The following PAN3 variants were observed in gnomAD, a reference collection of about 807,000 sequenced individuals.
PAN3 encodes poly(A) specific ribonuclease subunit PAN3.
In PAN3, 19 loss-of-function variants were observed where a neutral mutation model predicts 96.2. That is an observed-to-expected ratio of 0.20 (90% CI 0.14 to 0.29). The LOEUF is 0.29. Among genes scored for constraint, PAN3 ranks in the 10% least tolerant of loss-of-function variants. PAN3 has a pLI of 1.00. For synonymous variants in PAN3, 433 were observed against 406.6 expected, an observed-to-expected ratio of 1.06 and a Z score of -0.78; for missense variants, 882 against 1,108.1, an observed-to-expected ratio of 0.80 and a Z score of 2.90.
At chr13:28,194,468 T>TA (rs1298627227) in intron 4 of PAN3, among the ~76,000 whole-genome samples, 3,435 of 91,156 alleles carry the variant, frequency 0.038, 42 homozygotes, top group South Asian at 0.16. Context: ...ATATATATAT[T>TA]TTTTTTTTTT....
Position 28,197,321 on chromosome 13 carries a change from A to G in PAN3, c.827A>G (p.Asn276Ser), listed in dbSNP as rs765187373. 18 of 1,605,856 alleles carry G rather than the reference A, an allele frequency of 1.1e-5. No individual in the cohort carries two copies. Among genetic ancestry groups the G allele is most frequent in the Non-Finnish European group, 1.5e-5 (18 of 1,176,242 alleles). The change falls in exon 5 of 19, where the codon AAC (asparagine) becomes AGC (serine). Residue 276 changes from asparagine to serine, a missense_variant. Asn to Ser is a conservative substitution (Grantham distance 46, BLOSUM62 1). This residue lies in a region of PAN3 where 442 missense variants were observed against 422.8 expected (regional missense o/e 1.05). Transcript: ENST00000380958. Reference protein sequence around the residue: ...SGVPINMVWWNRVTENNLQTP... With the variant: ...SGVPINMVWWSRVTENNLQTP... ...GTACCCATCAATATGGTTTGGTGGA[A>G]CAGAGTCACAGAAAACAATTTACAG...
At chr13:28,142,615 A>G (rs1430814203) in intron 1 of PAN3, among the ~76,000 whole-genome samples, 1 of 149,724 alleles carries the variant, frequency 6.7e-6, no homozygotes, top group Non-Finnish European at 1.5e-5. Context: ...CATGTTGCCC[A>G]GGCCGGTCTC....
At position 28,217,703 on chromosome 13, in the gene PAN3, G is replaced by A. The variant is rs568111008; in HGVS notation, c.853-2528G>A. 5.3e-5 allele frequency among the ~76,000 whole-genome samples: 8 copies of A among 151,858 alleles called. No individual in the cohort carries two copies. In the South Asian group the frequency reaches 1.0e-3, roughly 20 times the overall value. ...ACTTAGAACTATTTAAAATATAAAC[G>A]TAAATTAGGGTTTTAATTATGAATA... On this transcript the variant is annotated intron_variant, in intron 5 of 18. Coordinates refer to ENST00000380958, the MANE Select transcript of PAN3 (RefSeq NM_175854.8).
At chr13:28,141,006 T>TTTATTTTA (rs200747743) in intron 1 of PAN3, among the ~76,000 whole-genome samples, 5,820 of 142,764 alleles carry the variant, frequency 0.041, 165 homozygotes, top group African/African-American at 0.062. Flanking sequence ...AGAGACACTT[T>TTTATTTTA]TTTTTTTTTT....
At position 28,174,154 on chromosome 13, in the gene PAN3, A is replaced by G. The variant is rs1284202551; in HGVS notation, c.431-118A>G. On this transcript the variant is annotated intron_variant, in intron 1 of 18. Transcript: ENST00000380958. ...TTGATCTTACCTGTTATGAACTGGT[A>G]AATAAAAATAAGTGTGACAGATTTG... 7 of 1,104,730 alleles carry G rather than the reference A, an allele frequency of 6.3e-6. No homozygotes were observed. The East Asian group carries it at 1.3e-4, about 21-fold the overall frequency. The allele number at this position is 1,104,730 out of a possible 1,614,324, so 68.4% of individuals were successfully genotyped here. A position where few individuals can be genotyped will look rare whatever the true frequency, so the allele number is the denominator to read the frequency against.
chr13:28,256,621 C>A, intron 7 of PAN3, 82 bp downstream of exon 7: 1 of 1,395,626 alleles, frequency 7.2e-7, no homozygotes, highest in Non-Finnish European at 9.7e-7. Flanking sequence ...CCCCCTCCTG[C>A]AGCTTTTTAT....
At chr13:28,276,287 C>T (rs1030887969) in intron 14 of PAN3, among the ~76,000 whole-genome samples, 6 of 152,046 alleles carry the variant, frequency 3.9e-5, no homozygotes, top group Admixed American at 6.6e-5. Flanking sequence ...AGTAAATGAA[C>T]GTGTGTCTAA....
intron 1 of PAN3, among the ~76,000 whole-genome samples, chr13:28,140,991 CAGAA>C (rs1318744913): frequency 8.3e-5 from 12 of 144,734 alleles, no homozygotes; most frequent in African/African-American, 2.9e-4. Flanking sequence ...TTCTTACTGA[CAGAA>C]AGAGACACTT....
At chr13:28,280,051 G>C (rs1487061501) in intron 15 of PAN3, among the ~76,000 whole-genome samples, 1 of 151,996 alleles carries the variant, frequency 6.6e-6, no homozygotes, top group African/African-American at 2.4e-5. Flanking sequence ...CTCCCAAAGT[G>C]CTGGGATTAC....
At chr13:28,235,176 C>T (rs1362143386) in intron 6 of PAN3, among the ~76,000 whole-genome samples, 3 of 152,148 alleles carry the variant, frequency 2.0e-5, no homozygotes, top group African/African-American at 7.2e-5. Flanking sequence ...TGTGTCATTC[C>T]TCCCATTCCT....
chr13:28,245,768 A>G (rs1352100260), intron 6 of PAN3, among the ~76,000 whole-genome samples: 2 of 152,174 alleles, frequency 1.3e-5, no homozygotes, highest in Non-Finnish European at 2.9e-5. Flanking sequence ...AAATAGAATC[A>G]TATAATATGT....
chr13:28,259,651 T>G (rs796090264), intron 7 of PAN3, among the ~76,000 whole-genome samples: 12 of 152,178 alleles, frequency 7.9e-5, no homozygotes, highest in African/African-American at 2.6e-4. Context: ...ATTTATTTAT[T>G]TATTGAGACG....
chr13:28,143,925 A>G (rs925571475), intron 1 of PAN3, among the ~76,000 whole-genome samples: 5 of 152,200 alleles, frequency 3.3e-5, no homozygotes, highest in Non-Finnish European at 7.3e-5. Flanking sequence ...TCATCCCACA[A>G]ACCTATACTA....
chr13:28,146,142 A>G (rs1870598584), intron 1 of PAN3, among the ~76,000 whole-genome samples: 1 of 151,902 alleles, frequency 6.6e-6, no homozygotes, highest in Non-Finnish European at 1.5e-5. Flanking sequence ...AAAATAAATC[A>G]GTCTCCTCAT....
intron 1 of PAN3, among the ~76,000 whole-genome samples, chr13:28,148,279 G>A (rs2137951614): frequency 6.6e-6 from 1 of 152,016 alleles, no homozygotes; most frequent in South Asian, 2.1e-4. Context: ...TAGCGTGTGT[G>A]TTTGTATATA....
At chr13:28,238,316 T>C (rs1286323921) in intron 6 of PAN3, among the ~76,000 whole-genome samples, 6 of 152,238 alleles carry the variant, frequency 3.9e-5, no homozygotes, top group Admixed American at 3.9e-4. Flanking sequence ...ACAATGGGTG[T>C]TTAGCTCATT....
intron 1 of PAN3, 29 bp from the exon 2 acceptor site, chr13:28,174,243 T>C (rs1342104071): frequency 6.3e-7 from 1 of 1,597,302 alleles, no homozygotes; most frequent in Admixed American, 1.7e-5. Flanking sequence ...GAAATAATTT[T>C]AAATACTTGA....
At chr13:28,187,430 A>G (rs1157762880) in intron 4 of PAN3, among the ~76,000 whole-genome samples, 1 of 152,206 alleles carries the variant, frequency 6.6e-6, no homozygotes, top group Non-Finnish European at 1.5e-5. Flanking sequence ...TCTAAAGCAC[A>G]AGGATATAAG....
intron 1 of PAN3, among the ~76,000 whole-genome samples, chr13:28,149,717 GTTACCCTC>G (rs1263424802): frequency 2.2e-4 from 34 of 152,162 alleles, no homozygotes; most frequent in African/African-American, 8.2e-4. Flanking sequence ...CTGGGCTCAA[GTTACCCTC>G]TTGCCTCAGC....
Sources: gnomAD v4.1 joint callset for allele counts (sites outside exome capture counted in the v4.1 genomes callset) on GRCh38, gnomAD v4.1.1 for gene constraint, gnomAD v4.1.1 regional missense constraint, MANE v1.5 for transcripts, NCBI Gene and HGNC (gene_info 2026-07-23, HGNC 2026-07-21) for gene names.